The following AFAP1L2 variants were observed in gnomAD, a reference collection of about 807,000 sequenced individuals.
AFAP1L2 encodes actin filament associated protein 1 like 2.
In AFAP1L2, 46 loss-of-function variants were observed where a neutral mutation model predicts 99.3. The observed-to-expected ratio is 0.46, with a 90% CI of 0.37 to 0.59. The LOEUF is 0.59. Among genes scored for constraint, AFAP1L2 ranks in the 20% least tolerant of loss-of-function variants. The pLI is 0.00. For synonymous variants in AFAP1L2, 397 were observed against 419.1 expected, an observed-to-expected ratio of 0.95 and a Z score of 0.64; for missense variants, 959 against 1,034.9, an observed-to-expected ratio of 0.93 and a Z score of 1.01.
intron 1 of AFAP1L2, among the ~76,000 whole-genome samples, chr10:114,398,576 A>G (rs2057947404): frequency 6.6e-6 from 1 of 152,270 alleles, no homozygotes; most frequent in South Asian, 2.1e-4. Flanking sequence ...TATTCCACCA[A>G]GTGGCCTGCA....
chr10:114,305,447 G>A, intron 10 of AFAP1L2, among the ~76,000 whole-genome samples: 1 of 142,568 alleles, frequency 7.0e-6, no homozygotes, highest in Non-Finnish European at 1.5e-5. Flanking sequence ...GCAGATGCAG[G>A]AGGGGACGCA....
chr10:114,373,050 C>A lies in AFAP1L2; in HGVS notation c.16+31390G>T, dbSNP rs368541979. ...CATAAAATACTACATAATTCCATCC[C>A]GGGCAACAGGGTGAGAACCTGACTC... On this transcript the variant is annotated intron_variant, in intron 1 of 18. Transcript: ENST00000304129. Among the ~76,000 whole-genome samples, 4 of 152,192 alleles carry A rather than the reference C, an allele frequency of 2.6e-5. No individual in the cohort carries two copies. The South Asian group carries it at 6.2e-4, about 24-fold the overall frequency.
chr10:114,353,787 G>A (rs907758920), intron 1 of AFAP1L2, among the ~76,000 whole-genome samples: 23 of 152,298 alleles, frequency 1.5e-4, no homozygotes, highest in Non-Finnish European at 3.1e-4. Context: ...TCCTGGGGTG[G>A]GGGACAGAGG....
upstream of AFAP1L2, chr10:114,404,722 G>T (rs1028627344): frequency 5.6e-6 from 2 of 358,138 alleles, no homozygotes; most frequent in Non-Finnish European, 9.7e-6. Flanking sequence ...GTGCGCGCCC[G>T]CGGCCCCGCT....
chr10:114,333,076 A>G lies in AFAP1L2; in HGVS notation c.220+145T>C, dbSNP rs149485116. 55 of 717,724 alleles carry G rather than the reference A, an allele frequency of 7.7e-5. 2 individuals are homozygous for G. In the East Asian group the frequency reaches 1.4e-3, roughly 18 times the overall value. The allele number at this position is 717,724 out of a possible 1,614,324, so 44.5% of individuals were successfully genotyped here. A position where few individuals can be genotyped will look rare whatever the true frequency, so the allele number is the denominator to read the frequency against. On this transcript the variant is annotated intron_variant, in intron 3 of 18. Coordinates refer to ENST00000304129, the MANE Select transcript of AFAP1L2 (RefSeq NM_001001936.3). ...AATACATCAACCCAAAATACGACCA[A>G]CAAAAATGTGGCTTCCAAAAATAAC...
intron 1 of AFAP1L2, chr10:114,363,112 C>T (rs913267594): frequency 7.6e-5 from 75 of 985,342 alleles, no homozygotes; most frequent in Non-Finnish European, 9.0e-5. Flanking sequence ...CAGCACTGGG[C>T]GTCGTCATCT....
intron 1 of AFAP1L2, among the ~76,000 whole-genome samples, chr10:114,378,749 C>T (rs1373887582): frequency 1.3e-5 from 2 of 152,196 alleles, no homozygotes; most frequent in African/African-American, 4.8e-5. Flanking sequence ...TCAAGACAGT[C>T]CAAGAAGTTT....
At position 114,297,283 on chromosome 10, in the gene AFAP1L2, C is replaced by T. The variant is rs186043497; in HGVS notation, c.2244G>A (p.Glu748=). Residue 748 remains glutamate (E), a synonymous_variant, in exon 17 of 19, where the codon GAG becomes GAA. Coordinates refer to ENST00000304129, the MANE Select transcript of AFAP1L2 (RefSeq NM_001001936.3). ...TGGTGCCTAACGTCACAGGCCCTGC[C>T]TCAGCCTTCTTCAGGTTGTCCTTCA... ...MEVKDNLKKA[E]AGPVTLGTTV... 11 of 1,614,104 alleles carry T rather than the reference C, an allele frequency of 6.8e-6. No homozygotes were observed. In the Admixed American group the frequency reaches 1.0e-4, roughly 15 times the overall value.
chr10:114,349,354 G>A (rs1388995745), intron 1 of AFAP1L2, among the ~76,000 whole-genome samples: 1 of 135,008 alleles, frequency 7.4e-6, no homozygotes, highest in Non-Finnish European at 1.5e-5. Flanking sequence ...CTCCACTCCA[G>A]CATGGGCAAC....
the AFAP1L2 span, chr10:114,281,207 T>C: frequency 1.3e-5 from 2 of 152,238 alleles, no homozygotes; most frequent in African/African-American, 4.8e-5. Context: ...CTTTAGGGAA[T>C]GTTTCTGCCA....
the AFAP1L2 span, chr10:114,286,163 T>C: frequency 6.2e-7 from 1 of 1,614,106 alleles, no homozygotes; most frequent in Non-Finnish European, 8.5e-7. Flanking sequence ...TGACCTGGTC[T>C]GGAGCCTCGA....
chr10:114,332,469 G>T (rs931776937), intron 3 of AFAP1L2, among the ~76,000 whole-genome samples: 2 of 152,232 alleles, frequency 1.3e-5, no homozygotes, highest in Non-Finnish European at 2.9e-5. Context: ...GCTCAGGCAG[G>T]CCCGATATCG....
the AFAP1L2 span, among the ~76,000 whole-genome samples, chr10:114,285,570 A>G: frequency 6.6e-6 from 1 of 152,260 alleles, no homozygotes. Context: ...TAGCGTGGCT[A>G]TAGACCTCTG....
chr10:114,345,231 G>A (rs2049371957), intron 1 of AFAP1L2, among the ~76,000 whole-genome samples: 1 of 152,046 alleles, frequency 6.6e-6, no homozygotes, highest in African/African-American at 2.4e-5. Flanking sequence ...GGTGGGTGGG[G>A]GTGGGCCTCA....
chr10:114,322,709 G>A (rs1459052324), intron 5 of AFAP1L2, among the ~76,000 whole-genome samples: 1 of 152,150 alleles, frequency 6.6e-6, no homozygotes, highest in African/African-American at 2.4e-5. Context: ...CTGGGCTCCT[G>A]TCCCTGACAC....
chr10:114,340,826 A>G, intron 1 of AFAP1L2, 95 bp from the exon 2 acceptor site: 1 of 1,555,480 alleles, frequency 6.4e-7, no homozygotes, highest in South Asian at 1.1e-5. Flanking sequence ...CCCACCTCGA[A>G]CCCTCTGGTC....
intron 4 of AFAP1L2, among the ~76,000 whole-genome samples, chr10:114,328,005 C>T (rs984242899): frequency 6.6e-6 from 1 of 152,190 alleles, no homozygotes. Context: ...AGCAGGCCAG[C>T]GCATGGCCAG....
intron 4 of AFAP1L2, among the ~76,000 whole-genome samples, chr10:114,327,137 TTA>T (rs1554902677): frequency 2.5e-5 from 1 of 39,946 alleles, no homozygotes; most frequent in African/African-American, 5.4e-5. Context: ...ACCGTGAATT[TTA>T]TATATATTTA....
At chr10:114,312,772 G>A (rs2043456004) in intron 7 of AFAP1L2, among the ~76,000 whole-genome samples, 1 of 152,204 alleles carries the variant, frequency 6.6e-6, no homozygotes. Flanking sequence ...TGTCTATGCA[G>A]TGGCCTTTTT....
Sources: allele counts gnomAD v4.1 joint callset (sites outside exome capture counted in the v4.1 genomes callset), GRCh38; gene constraint gnomAD v4.1.1; transcripts MANE v1.5; gene names NCBI Gene and HGNC (gene_info 2026-07-23, HGNC 2026-07-21).